Variants in HLCS observed in about 807,000 individuals in gnomAD.
HLCS encodes the protein holocarboxylase synthetase.
HLCS carries 53 observed loss-of-function variants against 75.0 expected under a neutral mutation model. That is an observed-to-expected ratio of 0.71 (90% CI 0.57 to 0.89). The LOEUF (loss-of-function observed/expected upper bound fraction) is 0.89. Among genes scored for constraint, HLCS ranks in the 40% least tolerant of loss-of-function variants. The probability of loss-of-function intolerance (pLI) is 0.00; values close to 1 mark genes in which losing one functional copy is unlikely to be tolerated. For synonymous variants in HLCS, 431 were observed against 428.6 expected (o/e 1.01, Z -0.07); for missense variants, 966 against 1,074.0 (o/e 0.90, Z 1.41).
chr21:36,771,991 C>G (rs993834695), intron 6 of HLCS, among the ~76,000 whole-genome samples: 10 of 141,124 alleles, frequency 7.1e-5, no homozygotes, highest in African/African-American at 2.4e-4. Flanking sequence ...ATAGAGACTC[C>G]AACTCAAAAA....
At chr21:36,875,449 G>A (rs147707083) in intron 6 of HLCS, among the ~76,000 whole-genome samples, 7 of 152,332 alleles carry the variant, frequency 4.6e-5, no homozygotes, top group South Asian at 4.1e-4. Context: ...GGAAGACCCC[G>A]CTGAGAGCTG....
intron 5 of HLCS, among the ~76,000 whole-genome samples, chr21:36,912,403 T>C (rs941288074): frequency 2.0e-5 from 3 of 151,736 alleles, no homozygotes; most frequent in African/African-American, 2.4e-5. Flanking sequence ...AGGACAAATA[T>C]TGTATGATGT....
chr21:36,937,406 A>G lies in HLCS; in HGVS notation c.494-14T>C. The stretch of plus-strand genomic sequence containing the variant: ...GCAAGTGCACCGCTAAGGCATGAAT[A>G]GGAGAGAGAGACAGAAAATTAATCA... On this transcript the variant is annotated splice_polypyrimidine_tract_variant and intron_variant, in intron 3 of 10. Coordinates refer to ENST00000674895, the MANE Select transcript of HLCS (RefSeq NM_001352514.2). 1 of 1,601,820 alleles carries G rather than the reference A, an allele frequency of 6.2e-7. No homozygotes were observed. Among genetic ancestry groups the G allele is most frequent in the Non-Finnish European group, 8.5e-7 (1 of 1,169,718 alleles).
chr21:36,963,511 C>T (rs776182658), intron 1 of HLCS, among the ~76,000 whole-genome samples: 2 of 152,168 alleles, frequency 1.3e-5, no homozygotes, highest in Non-Finnish European at 2.9e-5. Flanking sequence ...CCTGTAATCC[C>T]AGCACTTTGG....
At chr21:36,921,818 G>A (rs904004922) in intron 5 of HLCS, among the ~76,000 whole-genome samples, 3 of 152,120 alleles carry the variant, frequency 2.0e-5, no homozygotes, top group Non-Finnish European at 4.4e-5. Context: ...AAATTGTGCT[G>A]TGAACCTCGT....
Position 36,920,679 on chromosome 21 carries a change from T to A in HLCS, c.1620+9572A>T, listed in dbSNP as rs529370189. 8.5e-5 allele frequency among the ~76,000 whole-genome samples: 13 copies of A among 152,156 alleles called. No individual in the cohort carries two copies. In the East Asian group the frequency reaches 1.9e-3, roughly 23 times the overall value. ...CCTATTAAATTAAAATTAAAAAAAA[T>A]TTTTAAAGCCGTCTACCAAGAAAAA... On this transcript the variant is annotated intron_variant, in intron 5 of 10. Transcript: ENST00000674895.
At chr21:36,948,404 G>C (rs1268199788) in intron 2 of HLCS, 1 of 151,770 alleles carries the variant, frequency 6.6e-6, no homozygotes, top group Non-Finnish European at 1.5e-5. Context: ...GGATAAAGGA[G>C]AGCTACAAAA....
intron 6 of HLCS, among the ~76,000 whole-genome samples, chr21:36,820,723 T>C (rs2061813076): frequency 6.6e-6 from 1 of 152,224 alleles, no homozygotes; most frequent in African/African-American, 2.4e-5. Flanking sequence ...ACCGTGGATG[T>C]CAGGTTGATG....
intron 6 of HLCS, among the ~76,000 whole-genome samples, chr21:36,857,249 G>C (rs2063226929): frequency 6.6e-6 from 1 of 152,174 alleles, no homozygotes; most frequent in Non-Finnish European, 1.5e-5. Context: ...CAGGTCAGTT[G>C]CTTCAGCGAT....
At chr21:36,890,359 T>C (rs1601643125) in intron 6 of HLCS, among the ~76,000 whole-genome samples, 1 of 152,126 alleles carries the variant, frequency 6.6e-6, no homozygotes, top group African/African-American at 2.4e-5. Flanking sequence ...GGATAAAGGA[T>C]GAAATCACGT....
intron 6 of HLCS, among the ~76,000 whole-genome samples, chr21:36,793,383 C>T (rs2060931732): frequency 6.7e-6 from 1 of 150,272 alleles, no homozygotes. Context: ...TCTACCTCTG[C>T]CTCCTGGGCC....
rs1369720090 is a variant in HLCS at position 36,936,677 on chromosome 21, C to A, written c.1209G>T (p.Gln403His). The A allele has an allele frequency of 6.2e-7, 1 of 1,614,216 alleles. No individual in the cohort carries two copies. The highest frequency in any genetic ancestry group is 2.2e-5 in the East Asian group (1 of 44,876). The change falls in exon 4 of 11, where the codon CAG becomes CAT. Residue 403 changes from glutamine (Q) to histidine (H), a missense_variant. Coordinates refer to ENST00000674895, the MANE Select transcript of HLCS (RefSeq NM_001352514.2). ...TGTGCAGTGCACCCTTGCTTGTCAC[C>A]TGAAAGCCACCAAAGGTGAAGGATG... ...LSSSFTFGGF[Q>H]VTSKGALHKT... is the part of the protein sequence containing the mutation.
At chr21:36,822,119 G>A (rs1320322787) in intron 6 of HLCS, among the ~76,000 whole-genome samples, 1 of 152,130 alleles carries the variant, frequency 6.6e-6, no homozygotes, top group Non-Finnish European at 1.5e-5. Context: ...AGTAAGATAA[G>A]GTGACAAAAG....
intron 1 of HLCS, among the ~76,000 whole-genome samples, chr21:36,964,182 G>A (rs1236897372): frequency 1.3e-5 from 2 of 152,156 alleles, no homozygotes; most frequent in Non-Finnish European, 2.9e-5. Flanking sequence ...CGGAGATCGC[G>A]CCACTGCACT....
intron 3 of HLCS, 50 bp from the exon 4 acceptor site, chr21:36,937,442 T>C (rs769984981): frequency 2.1e-6 from 3 of 1,422,096 alleles, no homozygotes; most frequent in South Asian, 2.3e-5. Context: ...ACACTTCTTG[T>C]ATGACACATA....
chr21:36,763,173 C>T (rs2089910693), intron 8 of HLCS, among the ~76,000 whole-genome samples: 1 of 152,180 alleles, frequency 6.6e-6, no homozygotes. Context: ...TACAGGCACC[C>T]ATCACCATGT....
chr21:36,947,722 TCA>T (rs2067472364), intron 2 of HLCS: 7 of 985,356 alleles, frequency 7.1e-6, no homozygotes, highest in Non-Finnish European at 7.2e-6. Context: ...AACTTAAAAC[TCA>T]CATCCAAGAA....
At chr21:36,770,826 G>T (rs1220367279) in intron 6 of HLCS, among the ~76,000 whole-genome samples, 2 of 151,422 alleles carry the variant, frequency 1.3e-5, no homozygotes, top group Non-Finnish European at 2.9e-5. Context: ...AATTTTTTTT[G>T]GAAAAAAGCA....
chr21:36,983,512 G>A (rs1449051012), intron 1 of HLCS, among the ~76,000 whole-genome samples: 1 of 151,886 alleles, frequency 6.6e-6, no homozygotes, highest in African/African-American at 2.4e-5. Context: ...CGCCCAGCCT[G>A]TGAAGGCTTT....
Sources: allele counts gnomAD v4.1 joint callset (sites outside exome capture counted in the v4.1 genomes callset), GRCh38; gene constraint gnomAD v4.1.1; transcripts MANE v1.5; gene names NCBI Gene and HGNC (gene_info 2026-07-23, HGNC 2026-07-21).